SYNPR: variants seen among roughly 807,000 people sequenced by gnomAD.
SYNPR encodes the protein synaptoporin.
In SYNPR, 23 loss-of-function variants were observed where a neutral mutation model predicts 32.9. The ratio of observed to expected loss-of-function variants is 0.70; its 90% confidence interval spans 0.50 to 0.99. The LOEUF (loss-of-function observed/expected upper bound fraction) is 0.99. Ranked by LOEUF, SYNPR falls within the 50% of genes least tolerant of loss-of-function variation. The pLI is 0.00. For missense variants in SYNPR, 318 were observed against 349.3 expected (o/e 0.91, Z 0.71); for synonymous variants, 146 against 135.9 (o/e 1.07, Z -0.52).
chr3:63,379,203 T>C (rs1160614967), intron 2 of SYNPR, among the ~76,000 whole-genome samples: 1 of 152,168 alleles, frequency 6.6e-6, no homozygotes, highest in East Asian at 1.9e-4. Flanking sequence ...AGTTTTGTTT[T>C]ATGGCCTTGG....
intron 3 of SYNPR, among the ~76,000 whole-genome samples, chr3:63,537,875 T>C (rs955921172): frequency 6.6e-6 from 1 of 152,144 alleles, no homozygotes; most frequent in African/African-American, 2.4e-5. Context: ...CTCTGTGGAA[T>C]ATTCTTGTAC....
intron 2 of SYNPR, among the ~76,000 whole-genome samples, chr3:63,300,342 T>TATCTATCTATCTATCTATCTATC (rs1340769301): frequency 6.6e-6 from 1 of 152,012 alleles, no homozygotes; most frequent in Non-Finnish European, 1.5e-5. Context: ...TCTATCTATC[T>TATCTATCTATCTATCTATCTATC]ATCTATCTAT....
chr3:63,533,693 T>C (rs1259794139), intron 3 of SYNPR, among the ~76,000 whole-genome samples: 1 of 152,162 alleles, frequency 6.6e-6, no homozygotes, highest in Non-Finnish European at 1.5e-5. Flanking sequence ...CTTCAATTTG[T>C]AGTTCAACTC....
In SYNPR at chr3:63,401,559, A is replaced by G. The variant is rs575939924; in HGVS notation, c.85-79273A>G. 4.6e-5 allele frequency among the ~76,000 whole-genome samples: 7 copies of G among 152,290 alleles called. No homozygotes were observed. The South Asian group carries it at 1.0e-3, about 23-fold the overall frequency. On this transcript the variant is annotated intron_variant, in intron 2 of 5. Coordinates refer to ENST00000478300, the MANE Select transcript of SYNPR (RefSeq NM_001130003.2). Reference sequence around the variant, plus strand: ...CACAGAAAAGCTTCGTTATCTGCACACTGGCTGCCCTGGGAGGTCTGTGCA... The same window carrying G: ...CACAGAAAAGCTTCGTTATCTGCACGCTGGCTGCCCTGGGAGGTCTGTGCA...
chr3:63,593,478 T>G (rs150378790), intron 4 of SYNPR, among the ~76,000 whole-genome samples: 6 of 152,038 alleles, frequency 3.9e-5, no homozygotes, highest in African/African-American at 1.4e-4. Context: ...AAGAGAGAGA[T>G]GCAGGGGATC....
rs1312946590 is a variant in SYNPR, at chr3:63,597,672, C to T, written c.409-11453C>T. On this transcript the variant is annotated intron_variant, in intron 4 of 5. Transcript: ENST00000478300. Reference sequence around the variant, plus strand: ...CACTAAACAGGGAACCCAATGTCCTCAATTCAAATCTCAGTTACCTGTGAC... The same window carrying T: ...CACTAAACAGGGAACCCAATGTCCTTAATTCAAATCTCAGTTACCTGTGAC... 2.6e-5 allele frequency among the ~76,000 whole-genome samples: 4 copies of T among 152,272 alleles called. No individual in the cohort carries two copies. The East Asian group carries it at 7.7e-4, about 29-fold the overall frequency.
intron 3 of SYNPR, among the ~76,000 whole-genome samples, chr3:63,535,303 T>C (rs1322242614): frequency 6.6e-6 from 1 of 152,120 alleles, no homozygotes; most frequent in African/African-American, 2.4e-5. Flanking sequence ...AAAATATGAC[T>C]TCCAAGAAAT....
intron 2 of SYNPR, among the ~76,000 whole-genome samples, chr3:63,350,921 A>T (rs1350136563): frequency 6.6e-6 from 1 of 152,136 alleles, no homozygotes; most frequent in East Asian, 1.9e-4. Flanking sequence ...ATGGTTACTT[A>T]TTCTAAATCC....
chr3:63,274,603 C>T (rs2086560147), upstream of SYNPR, among the ~76,000 whole-genome samples: 1 of 152,178 alleles, frequency 6.6e-6, no homozygotes, highest in Non-Finnish European at 1.5e-5. Flanking sequence ...TTTCTTACTA[C>T]AGTGTAAGCT....
chr3:63,352,488 C>A (rs114885521), intron 2 of SYNPR, among the ~76,000 whole-genome samples: 1 of 152,092 alleles, frequency 6.6e-6, no homozygotes, highest in Non-Finnish European at 1.5e-5. Context: ...TCTATGTCTA[C>A]AAGCAACAGA....
chr3:63,330,484 T>A (rs1375435587), intron 2 of SYNPR, among the ~76,000 whole-genome samples: 1 of 152,020 alleles, frequency 6.6e-6, no homozygotes, highest in Admixed American at 6.5e-5. Flanking sequence ...TCTCACCTCA[T>A]GCAGCCACGG....
intron 3 of SYNPR, among the ~76,000 whole-genome samples, chr3:63,506,656 T>A (rs1477221866): frequency 6.6e-6 from 1 of 152,214 alleles, no homozygotes; most frequent in Non-Finnish European, 1.5e-5. Flanking sequence ...ATAGAAACTT[T>A]TCTTAAAGTG....
chr3:63,256,464 G>A (rs2086384704), intron 2 of SYNPR, among the ~76,000 whole-genome samples: 1 of 152,330 alleles, frequency 6.6e-6, no homozygotes, highest in African/African-American at 2.4e-5. Flanking sequence ...AACAGGGTCT[G>A]GAGTGGATCT....
intron 2 of SYNPR, chr3:63,445,600 C>T: frequency 1.4e-6 from 1 of 694,824 alleles, no homozygotes; most frequent in Non-Finnish European, 2.6e-6. Context: ...ATATGCCTGG[C>T]ACTGTGCTAA....
chr3:63,347,754 T>G (rs1379972987), intron 2 of SYNPR, among the ~76,000 whole-genome samples: 4 of 152,150 alleles, frequency 2.6e-5, no homozygotes, highest in Non-Finnish European at 5.9e-5. Flanking sequence ...GTTGTTTCAC[T>G]TAAGATAATG....
chr3:63,470,552 G>T (rs566066410), intron 2 of SYNPR, among the ~76,000 whole-genome samples: 1 of 152,176 alleles, frequency 6.6e-6, no homozygotes, highest in Non-Finnish European at 1.5e-5. Context: ...TAGTGAAAAA[G>T]AAATGACTGG....
chr3:63,344,550 A>ATTTTTTTTTTTTT (rs10627844), intron 2 of SYNPR, among the ~76,000 whole-genome samples: 2 of 130,578 alleles, frequency 1.5e-5, no homozygotes, highest in Non-Finnish European at 1.6e-5. Flanking sequence ...TTCAAAAAAG[A>ATTTTTTTTTTTTT]TTTTTTTTTT....
intron 3 of SYNPR, among the ~76,000 whole-genome samples, chr3:63,536,928 T>C (rs1282430642): frequency 6.6e-6 from 1 of 152,094 alleles, no homozygotes; most frequent in Non-Finnish European, 1.5e-5. Context: ...GATTAGAATT[T>C]CCAGGGCTGA....
At chr3:63,378,669 T>C (rs1248821394) in intron 2 of SYNPR, among the ~76,000 whole-genome samples, 2 of 152,094 alleles carry the variant, frequency 1.3e-5, no homozygotes, top group Non-Finnish European at 2.9e-5. Context: ...TTGCTGGAGA[T>C]ACGCCTGTAT....
Sources: gnomAD v4.1 joint callset for allele counts (sites outside exome capture counted in the v4.1 genomes callset) on GRCh38, gnomAD v4.1.1 for gene constraint, MANE v1.5 for transcripts, NCBI Gene and HGNC (gene_info 2026-07-23, HGNC 2026-07-21) for gene names.